Variants in VEZT observed in about 807,000 individuals in gnomAD.
The protein encoded by VEZT is vezatin, adherens junctions transmembrane protein, also known as vezatin.
In VEZT, 39 loss-of-function variants were observed where a neutral mutation model predicts 79.9. The ratio of observed to expected loss-of-function variants is 0.49; its 90% confidence interval spans 0.38 to 0.64. The LOEUF (loss-of-function observed/expected upper bound fraction) is 0.64. Ranked by LOEUF, VEZT falls within the 30% of genes least tolerant of loss-of-function variation. VEZT has a pLI of 0.00. For missense variants in VEZT, 837 were observed against 893.1 expected (o/e 0.94, Z 0.80); for synonymous variants, 325 against 327.6 (o/e 0.99, Z 0.09).
rs868162052 is a variant in VEZT, at chr12:95,289,123, A to C, written c.1522+1266A>C. Among the ~76,000 whole-genome samples the C allele has an allele frequency of 6.7e-5, 10 of 149,512 alleles. No homozygotes were observed. The South Asian group carries it at 2.1e-3, about 31-fold the overall frequency. On this transcript the variant is annotated intron_variant, in intron 9 of 11. Coordinates refer to ENST00000436874, the MANE Select transcript of VEZT (RefSeq NM_017599.4). ...AAATAAATAAATAAATAAATAAATA[A>C]ATAAATAAAAAAGGCCAGGCTCAGT...
intron 4 of VEZT, among the ~76,000 whole-genome samples, chr12:95,265,974 A>AT (rs1432663855): frequency 1.3e-5 from 2 of 152,158 alleles, no homozygotes; most frequent in Admixed American, 1.3e-4. Flanking sequence ...GATGGGTGGT[A>AT]TTTCTAGCTC....
intron 9 of VEZT, among the ~76,000 whole-genome samples, chr12:95,292,357 GT>G (rs767891626): frequency 6.6e-6 from 1 of 151,552 alleles, no homozygotes; most frequent in Non-Finnish European, 1.5e-5. Flanking sequence ...GATTTATTTG[GT>G]TTTTTTTCTT....
At chr12:95,237,387 G>C (rs1464205922) in intron 1 of VEZT, among the ~76,000 whole-genome samples, 2 of 152,144 alleles carry the variant, frequency 1.3e-5, no homozygotes, top group South Asian at 4.1e-4. Context: ...TTGTTTGTGG[G>C]GAGATGGGTG....
At chr12:95,285,085 CA>C (rs1165581329) in intron 8 of VEZT, among the ~76,000 whole-genome samples, 989 of 44,662 alleles carry the variant, frequency 0.022, 1 homozygote, top group African/African-American at 0.074. Flanking sequence ...GACTCTGTCT[CA>C]AAAAAAAAAA....
In VEZT at chr12:95,300,372, A is replaced by C. The variant is rs764599226; in HGVS notation, c.2039A>C (p.Glu680Ala). Residue 680 changes from glutamate to alanine, a missense_variant, in exon 12 of 12, where the codon GAA becomes GCA. Glu to Ala is a moderately radical substitution (Grantham distance 107, BLOSUM62 -1). Transcript: ENST00000436874. ...AAAAATAAAGATAATTCTTCAAATG[A>C]AGTCTTCCCCCAAGGAGCAGAAGAA... ...EGKNKDNSSN[E>A]VFPQGAEERM... 1 of 1,613,812 alleles carries C rather than the reference A, an allele frequency of 6.2e-7. No homozygotes were observed. The highest frequency in any genetic ancestry group is 8.5e-7 in the Non-Finnish European group (1 of 1,179,802).
chr12:95,251,879 C>T lies in VEZT; in HGVS notation c.37-61C>T, dbSNP rs1241921019. 5.2e-6 allele frequency: 8 copies of T among 1,525,418 alleles called. No homozygotes were observed. In the Admixed American group the frequency reaches 9.7e-5, roughly 18 times the overall value. The allele number at this position is 1,525,418 out of a possible 1,614,324, so 94.5% of individuals were successfully genotyped here. On this transcript the variant is annotated intron_variant, in intron 1 of 11. Coordinates refer to ENST00000436874, the MANE Select transcript of VEZT (RefSeq NM_017599.4). Reference sequence around the variant, plus strand: ...TAGTGAAGTCTGGTATTAAGTTTGGCCCCCGAAACTTTTGAAGTAGTAATG... The same window carrying T: ...TAGTGAAGTCTGGTATTAAGTTTGGTCCCCGAAACTTTTGAAGTAGTAATG...
Position 95,266,346 on chromosome 12 carries a change from C to T in VEZT, c.435-11C>T. On this transcript the variant is annotated splice_polypyrimidine_tract_variant and intron_variant, in intron 4 of 11. Coordinates refer to ENST00000436874, the MANE Select transcript of VEZT (RefSeq NM_017599.4). ...CTGATGCATATCATTTTCTTCCTTT[C>T]TTGTTCCCAGGGATCTCTCAATGCT... 6.3e-7 allele frequency: 1 copy of T among 1,598,104 alleles called. No individual in the cohort carries two copies. Among genetic ancestry groups the T allele is most frequent in the Non-Finnish European group, 8.6e-7 (1 of 1,169,576 alleles).
At chr12:95,241,604 A>G (rs1473190838) in intron 1 of VEZT, among the ~76,000 whole-genome samples, 2 of 152,132 alleles carry the variant, frequency 1.3e-5, no homozygotes, top group Non-Finnish European at 2.9e-5. Flanking sequence ...TACCCTGCCT[A>G]GCACACCCCT....
At chr12:95,249,232 C>T (rs2062143067) in intron 1 of VEZT, among the ~76,000 whole-genome samples, 1 of 152,138 alleles carries the variant, frequency 6.6e-6, no homozygotes, top group African/African-American at 2.4e-5. Context: ...CCCTTTGATC[C>T]ATCTTATTTA....
intron 8 of VEZT, among the ~76,000 whole-genome samples, chr12:95,285,449 A>G (rs1020935486): frequency 6.6e-6 from 1 of 152,152 alleles, no homozygotes; most frequent in Non-Finnish European, 1.5e-5. Flanking sequence ...GTCTCAAAAA[A>G]TAAAAATAAA....
At chr12:95,250,352 G>A (rs980195429) in intron 1 of VEZT, among the ~76,000 whole-genome samples, 1 of 146,742 alleles carries the variant, frequency 6.8e-6, no homozygotes, top group African/African-American at 2.5e-5. Context: ...ACCCAGGCTG[G>A]AATGTAATGG....
chr12:95,239,488 A>T (rs1489664388), intron 1 of VEZT, among the ~76,000 whole-genome samples: 1 of 152,208 alleles, frequency 6.6e-6, no homozygotes, highest in Non-Finnish European at 1.5e-5. Flanking sequence ...GAGAATAGAT[A>T]GTGTGAGGGA....
chr12:95,231,644 A>G (rs1311819937), intron 1 of VEZT: 2 of 152,146 alleles, frequency 1.3e-5, no homozygotes, highest in Non-Finnish European at 2.9e-5. Flanking sequence ...TAATTAATTA[A>G]TGCTTGAATT....
At chr12:95,289,081 C>CAAAAAAAAAAAAAAA (rs71078697) in intron 9 of VEZT, among the ~76,000 whole-genome samples, 44 of 123,070 alleles carry the variant, frequency 3.6e-4, no homozygotes, top group South Asian at 7.9e-4. Context: ...GACTCCGTCT[C>CAAAAAAAAAAAAAAA]AAAAAAAAAA....
At chr12:95,232,328 T>C (rs989032106) in intron 1 of VEZT, among the ~76,000 whole-genome samples, 2 of 152,210 alleles carry the variant, frequency 1.3e-5, no homozygotes, top group African/African-American at 2.4e-5. Flanking sequence ...TTAAAAAATA[T>C]GTAATTTACA....
chr12:95,227,109 T>C (rs973163415), intron 1 of VEZT, among the ~76,000 whole-genome samples: 29 of 152,324 alleles, frequency 1.9e-4, no homozygotes, highest in African/African-American at 7.2e-5. Flanking sequence ...TTACAGTGTT[T>C]TGAGAGTAAG....
At chr12:95,219,717 C>T (rs756341918) in intron 1 of VEZT, among the ~76,000 whole-genome samples, 4 of 152,146 alleles carry the variant, frequency 2.6e-5, no homozygotes, top group Non-Finnish European at 5.9e-5. Flanking sequence ...TTAAGACTTA[C>T]GCAGAAAGGT....
At position 95,300,493 on chromosome 12, in the gene VEZT, C is replaced by T; in HGVS notation, c.2160C>T (p.Pro720=). Residue 720 remains proline, a synonymous_variant, in exon 12 of 12, where the codon CCC becomes CCT. Transcript: ENST00000436874. Reference sequence around the variant, plus strand: ...CAACTCCCAGGGACTCATTACAGCCCTCCATTAAGCAGAGGCTGGCACGGC... The same window carrying T: ...CAACTCCCAGGGACTCATTACAGCCTTCCATTAAGCAGAGGCTGGCACGGC... The part of the protein sequence containing the change: ...APPTPRDSLQ[P]SIKQRLARLQ... 6.2e-7 allele frequency: 1 copy of T among 1,613,944 alleles called. No homozygotes were observed. The highest frequency in any genetic ancestry group is 1.3e-5 in the African/African-American group (1 of 75,036).
intron 3 of VEZT, 29 bp downstream of exon 3, chr12:95,257,268 T>C: frequency 6.5e-7 from 1 of 1,527,790 alleles, no homozygotes; most frequent in Non-Finnish European, 9.0e-7. Flanking sequence ...TTGCCACTTT[T>C]CAGGGTTCTA....
Sources: allele counts gnomAD v4.1 joint callset (sites outside exome capture counted in the v4.1 genomes callset), GRCh38; gene constraint gnomAD v4.1.1; transcripts MANE v1.5; gene names NCBI Gene and HGNC (gene_info 2026-07-23, HGNC 2026-07-21).